Variants in CFAP58 observed in about 807,000 individuals in gnomAD.
CFAP58 encodes cilia- and flagella-associated protein 58.
Under a neutral mutation model 119.5 loss-of-function variants are expected in CFAP58, and 88 were observed. The ratio of observed to expected loss-of-function variants is 0.74; its 90% CI spans 0.62 to 0.88. CFAP58 has a LOEUF of 0.88. Ranked by LOEUF, CFAP58 falls within the 40% of genes least tolerant of loss-of-function variation. CFAP58 has a pLI of 0.00. For synonymous variants in CFAP58, 365 were observed against 366.3 expected (o/e 1.00, Z 0.04); for missense variants, 990 against 1,021.2 (o/e 0.97, Z 0.42).
chr10:104,349,279 A>AAACAAAACAG (rs1286787865), upstream of CFAP58, among the ~76,000 whole-genome samples: 10 of 151,958 alleles, frequency 6.6e-5, no homozygotes, highest in African/African-American at 2.4e-4. Context: ...AAACAAAACA[A>AAACAAAACAG]AACAAAACAA....
At chr10:104,341,553 A>G in the CFAP58 span, among the ~76,000 whole-genome samples, 1 of 151,800 alleles carries the variant, frequency 6.6e-6, no homozygotes, top group Non-Finnish European at 1.5e-5. Flanking sequence ...AAAAACCTCA[A>G]TGATTGAAAT....
chr10:104,447,722 C>G lies in CFAP58; in HGVS notation c.2281C>G (p.Leu761Val). The G allele has an allele frequency of 6.2e-7, 1 of 1,614,160 alleles. No homozygotes were observed. Among genetic ancestry groups the G allele is most frequent in the Non-Finnish European group, 8.5e-7 (1 of 1,180,002 alleles). The change falls in exon 16 of 18, where the codon CTA (leucine) becomes GTA (valine). Residue 761 changes from leucine to valine, a missense_variant. Transcript: ENST00000369704. ...GGAAAAGGAGAAACTCTACATGGAA[C>G]TAAAGCACGTCTTGGCCCGCCAGCC... ...LQEKEKLYME[L>V]KHVLARQPGP...
At chr10:104,363,004 C>T (rs931430864) in intron 3 of CFAP58, among the ~76,000 whole-genome samples, 2 of 152,156 alleles carry the variant, frequency 1.3e-5, no homozygotes, top group Non-Finnish European at 2.9e-5. Context: ...TTCCATTCTC[C>T]CCATGGTCAA....
At chr10:104,423,665 G>A (rs1218001744) in intron 15 of CFAP58, among the ~76,000 whole-genome samples, 4 of 151,990 alleles carry the variant, frequency 2.6e-5, no homozygotes, top group South Asian at 2.1e-4. Flanking sequence ...GGAACATTTA[G>A]GTTGTTATTG....
intron 7 of CFAP58, among the ~76,000 whole-genome samples, chr10:104,375,172 A>C (rs753693731): frequency 2.0e-5 from 3 of 151,028 alleles, no homozygotes; most frequent in Non-Finnish European, 4.4e-5. Context: ...TACAGAATAT[A>C]GTGTGTACTA....
In CFAP58 at chr10:104,375,231, A is replaced by AAT. The variant is rs113164485; in HGVS notation, c.1091-1570_1091-1569dup. 3.5e-3 allele frequency among the ~76,000 whole-genome samples: 519 copies of AAT among 150,286 alleles called. 3 individuals carry two copies. The highest frequency in any genetic ancestry group is 0.012 in the African/African-American group (503 of 41,188). On this transcript the variant is annotated intron_variant, in intron 7 of 17. Coordinates refer to ENST00000369704, the MANE Select transcript of CFAP58 (RefSeq NM_001008723.2). ...CTTTTGGGGTGTATGTGTATTTACA[A>AAT]ATATATATATAAATATATGTATTTA... is the stretch of plus-strand genomic sequence containing the variant.
intron 1 of CFAP58, among the ~76,000 whole-genome samples, chr10:104,358,136 C>CAT (rs368767413): frequency 3.0e-4 from 45 of 147,542 alleles, no homozygotes; most frequent in African/African-American, 1.1e-3. Context: ...TATATATACA[C>CAT]ATATATATGT....
Position 104,382,241 on chromosome 10 carries a change from A to G in CFAP58, c.1365+2021A>G, listed in dbSNP as rs1031333858. The G allele has an allele frequency of 2.2e-5, 16 of 714,670 alleles. No homozygotes were observed. In the Admixed American group the frequency reaches 3.2e-4, roughly 14 times the overall value. The allele number at this position is 714,670 out of a possible 1,614,324, so 44.3% of individuals were successfully genotyped here. The stretch of plus-strand genomic sequence containing the variant: ...GGAAGGGCACAGATCCTACCCACTC[A>G]TATTCCACCGGCCAACCAAGTCACA... On this transcript the variant is annotated intron_variant, in intron 9 of 17. Coordinates refer to ENST00000369704, the MANE Select transcript of CFAP58 (RefSeq NM_001008723.2).
chr10:104,392,106 C>T, intron 9 of CFAP58, 127 bp from the exon 10 acceptor site: 1 of 749,956 alleles, frequency 1.3e-6, no homozygotes, highest in Non-Finnish European at 2.3e-6. Context: ...GTGATTATAG[C>T]CACTGTCAGA....
chr10:104,370,845 T>G, intron 6 of CFAP58, 50 bp from the exon 7 acceptor site: 1 of 1,541,304 alleles, frequency 6.5e-7, no homozygotes, highest in Non-Finnish European at 8.8e-7. Flanking sequence ...ATCCAGTTCC[T>G]GGCTCTTCAT....
At chr10:104,340,356 T>G in the CFAP58 span, among the ~76,000 whole-genome samples, 2 of 152,212 alleles carry the variant, frequency 1.3e-5, no homozygotes, top group Non-Finnish European at 2.9e-5. Context: ...CTCTACTTTC[T>G]GCCTGCCACA....
At chr10:104,400,037 C>T (rs1343067634) in intron 12 of CFAP58, among the ~76,000 whole-genome samples, 1 of 152,138 alleles carries the variant, frequency 6.6e-6, no homozygotes, top group African/African-American at 2.4e-5. Flanking sequence ...TGGAACTTGG[C>T]AAGAGCTAGC....
intron 1 of CFAP58, among the ~76,000 whole-genome samples, chr10:104,357,970 CATATGTACATATGTACACAT>C (rs1476882117): frequency 9.5e-6 from 1 of 105,494 alleles, no homozygotes; most frequent in South Asian, 2.5e-4. Flanking sequence ...TATATGTACA[CATATGTACATATGTACACAT>C]ATATGTACAC....
Position 104,358,036 on chromosome 10 carries a change from T to TAC in CFAP58, c.10-303_10-302dup, listed in dbSNP as rs1554912759. Among the ~76,000 whole-genome samples, 12 of 145,712 alleles carry TAC rather than the reference T, an allele frequency of 8.2e-5. No individual in the cohort carries two copies. In the South Asian group the frequency reaches 1.5e-3, roughly 18 times the overall value. The stretch of plus-strand genomic sequence containing the variant: ...ATATATGTACATATATATACATATG[T>TAC]ACATATACACACATATATGTACATA... On this transcript the variant is annotated intron_variant, in intron 1 of 17. Coordinates refer to ENST00000369704, the MANE Select transcript of CFAP58 (RefSeq NM_001008723.2).
intron 2 of CFAP58, among the ~76,000 whole-genome samples, chr10:104,361,392 G>A (rs550967659): frequency 3.3e-5 from 5 of 152,268 alleles, no homozygotes; most frequent in African/African-American, 7.2e-5. Flanking sequence ...AAAGAACATC[G>A]TTGTGTGGAT....
At chr10:104,438,258 T>A (rs1256070173) in intron 15 of CFAP58, among the ~76,000 whole-genome samples, 1 of 152,080 alleles carries the variant, frequency 6.6e-6, no homozygotes, top group Non-Finnish European at 1.5e-5. Flanking sequence ...CTTAACTGGG[T>A]CCTTTGCTTA....
intron 9 of CFAP58, among the ~76,000 whole-genome samples, chr10:104,384,836 C>T (rs2011889769): frequency 1.3e-5 from 2 of 151,958 alleles, no homozygotes; most frequent in Non-Finnish European, 2.9e-5. Context: ...AGAAAAGTAA[C>T]AGGAAGTGGG....
rs973592158 is a variant in CFAP58 at position 104,454,296 on chromosome 10, C to A, written c.2511-126C>A. On this transcript the variant is annotated intron_variant, in intron 17 of 17. Coordinates refer to ENST00000369704, the MANE Select transcript of CFAP58 (RefSeq NM_001008723.2). Reference sequence around the variant, plus strand: ...ACACCTAATTAGATTTAAACAACTACCTTGTCTAAAACTAGAAGCTGTAAT... The same window carrying A: ...ACACCTAATTAGATTTAAACAACTAACTTGTCTAAAACTAGAAGCTGTAAT... 6.4e-6 allele frequency: 5 copies of A among 784,372 alleles called. No individual in the cohort carries two copies. In the African/African-American group the frequency reaches 8.8e-5, roughly 14 times the overall value. The allele number at this position is 784,372 out of a possible 1,614,324, so 48.6% of individuals were successfully genotyped here. A position where few individuals can be genotyped will look rare whatever the true frequency, so the allele number is the denominator to read the frequency against.
chr10:104,385,301 T>A (rs925260787), intron 9 of CFAP58, among the ~76,000 whole-genome samples: 7 of 152,156 alleles, frequency 4.6e-5, no homozygotes, highest in African/African-American at 1.2e-4. Flanking sequence ...CTAGACTTAT[T>A]GTTGTTGTAA....
Sources: allele counts gnomAD v4.1 joint callset (sites outside exome capture counted in the v4.1 genomes callset), GRCh38; gene constraint gnomAD v4.1.1; transcripts MANE v1.5; gene names NCBI Gene and HGNC (gene_info 2026-07-23, HGNC 2026-07-21).